The following GPC5 variants were observed in gnomAD, a reference collection of about 807,000 sequenced individuals.
The protein encoded by GPC5 is glypican-5.
GPC5 carries 47 observed loss-of-function variants against 53.9 expected under a neutral mutation model. The observed-to-expected ratio is 0.87, with a 90% CI of 0.69 to 1.11. GPC5 has a LOEUF of 1.11. Ranked by LOEUF, GPC5 falls within the 50% of genes most tolerant of loss-of-function variation. The probability of loss-of-function intolerance (pLI) is 0.00; values close to 1 mark genes in which losing one functional copy is unlikely to be tolerated. For synonymous variants in GPC5, 286 were observed against 263.3 expected (o/e 1.09, Z -0.84); for missense variants, 748 against 713.1 (o/e 1.05, Z -0.56).
At chr13:92,484,728 T>C (rs1269228970) in intron 7 of GPC5, 2 of 151,170 alleles carry the variant, frequency 1.3e-5, no homozygotes, top group Non-Finnish European at 2.9e-5. Flanking sequence ...ATAGAATTTT[T>C]ATTTTATTTT....
intron 7 of GPC5, among the ~76,000 whole-genome samples, chr13:92,834,823 A>G (rs944510407): frequency 6.6e-6 from 1 of 152,138 alleles, no homozygotes; most frequent in African/African-American, 2.4e-5. Flanking sequence ...TAAGGGCCAT[A>G]GTGTAAAGTT....
intron 7 of GPC5, among the ~76,000 whole-genome samples, chr13:92,325,505 G>A (rs1019573776): frequency 1.3e-5 from 2 of 152,048 alleles, no homozygotes; most frequent in African/African-American, 4.8e-5. Flanking sequence ...CTCTGTTGTT[G>A]TGATTCTTAA....
At chr13:92,158,110 T>C (rs1156452723) in intron 7 of GPC5, among the ~76,000 whole-genome samples, 2 of 152,130 alleles carry the variant, frequency 1.3e-5, no homozygotes, top group Admixed American at 6.5e-5. Flanking sequence ...GATAATCAGA[T>C]GGAGAGTGGA....
intron 7 of GPC5, among the ~76,000 whole-genome samples, chr13:92,501,652 C>T (rs889321354): frequency 4.0e-5 from 6 of 151,880 alleles, no homozygotes; most frequent in Non-Finnish European, 8.8e-5. Flanking sequence ...CAGCATAATC[C>T]AAGAAAACAA....
chr13:92,638,042 A>G (rs1885467580), intron 7 of GPC5, among the ~76,000 whole-genome samples: 1 of 152,184 alleles, frequency 6.6e-6, no homozygotes, highest in Non-Finnish European at 1.5e-5. Flanking sequence ...AACAATAGAA[A>G]GCAACTGAAA....
intron 7 of GPC5, among the ~76,000 whole-genome samples, chr13:92,741,496 T>C (rs1889092888): frequency 6.6e-6 from 1 of 152,134 alleles, no homozygotes; most frequent in South Asian, 2.1e-4. Flanking sequence ...TCTTTAGAAA[T>C]TATCCAGTTT....
chr13:92,219,415 T>C (rs1200014056), intron 7 of GPC5, among the ~76,000 whole-genome samples: 2 of 152,168 alleles, frequency 1.3e-5, no homozygotes, highest in African/African-American at 2.4e-5. Flanking sequence ...CACACCACTA[T>C]TGAGGCAGGA....
At chr13:91,989,496 T>C (rs1353936991) in intron 6 of GPC5, among the ~76,000 whole-genome samples, 1 of 152,204 alleles carries the variant, frequency 6.6e-6, no homozygotes, top group Non-Finnish European at 1.5e-5. Flanking sequence ...TATAACCACA[T>C]GCTAAAACAT....
intron 2 of GPC5, among the ~76,000 whole-genome samples, chr13:91,660,822 T>C (rs1032420418): frequency 6.6e-6 from 1 of 152,076 alleles, no homozygotes; most frequent in Non-Finnish European, 1.5e-5. Flanking sequence ...TTAAACCTTC[T>C]CCTCCTTCTC....
At chr13:92,221,524 C>T (rs1397851570) in intron 7 of GPC5, among the ~76,000 whole-genome samples, 1 of 152,106 alleles carries the variant, frequency 6.6e-6, no homozygotes, top group African/African-American at 2.4e-5. Flanking sequence ...TTTCCCAACA[C>T]CCTCTCCCAC....
In GPC5 at chr13:92,102,188, T is replaced by G. The variant is rs142691582; in HGVS notation, c.1402-42642T>G. On this transcript the variant is annotated intron_variant, in intron 6 of 7. Coordinates refer to ENST00000377067, the MANE Select transcript of GPC5 (RefSeq NM_004466.6). ...AAATTCTTTGGAACAGAGAGGGAGATACAATATAAGAGGGGTGGGGAATAA... is the reference window on the plus strand; with the variant it reads ...AAATTCTTTGGAACAGAGAGGGAGAGACAATATAAGAGGGGTGGGGAATAA... 2.4e-4 allele frequency among the ~76,000 whole-genome samples: 37 copies of G among 151,802 alleles called. No homozygotes were observed. In the East Asian group the frequency reaches 5.8e-3, roughly 24 times the overall value.
chr13:91,979,827 A>T (rs1308751311), intron 6 of GPC5, among the ~76,000 whole-genome samples: 1 of 152,184 alleles, frequency 6.6e-6, no homozygotes, highest in African/African-American at 2.4e-5. Flanking sequence ...CCCTTGGTTC[A>T]ACAGATTCTG....
intron 7 of GPC5, among the ~76,000 whole-genome samples, chr13:92,194,070 G>A (rs1593981889): frequency 6.6e-6 from 1 of 152,102 alleles, no homozygotes; most frequent in Admixed American, 6.5e-5. Context: ...AGGAAAGAAG[G>A]GAGGAAGAAT....
intron 6 of GPC5, among the ~76,000 whole-genome samples, chr13:92,103,895 C>A (rs913874745): frequency 1.3e-5 from 2 of 152,128 alleles, no homozygotes; most frequent in Non-Finnish European, 2.9e-5. Flanking sequence ...TTCCCAGGAA[C>A]GTAGTGGGGC....
intron 7 of GPC5, among the ~76,000 whole-genome samples, chr13:92,276,898 C>G (rs1415575107): frequency 2.0e-5 from 3 of 151,844 alleles, no homozygotes; most frequent in Non-Finnish European, 4.4e-5. Flanking sequence ...AATGATGATG[C>G]AAGTAGAATT....
intron 7 of GPC5, among the ~76,000 whole-genome samples, chr13:92,234,820 A>G (rs901272977): frequency 1.3e-5 from 2 of 152,124 alleles, no homozygotes; most frequent in Non-Finnish European, 2.9e-5. Context: ...AGCTCTTTCT[A>G]TATCCACTGT....
intron 2 of GPC5, among the ~76,000 whole-genome samples, chr13:91,552,097 T>C (rs1594242791): frequency 6.6e-6 from 1 of 152,222 alleles, no homozygotes; most frequent in East Asian, 1.9e-4. Context: ...ATAATCATTG[T>C]GAACATTATG....
Position 92,270,967 on chromosome 13 carries a change from C to T in GPC5, c.1561+125978C>T, listed in dbSNP as rs180763329. 1.4e-4 allele frequency among the ~76,000 whole-genome samples: 22 copies of T among 152,220 alleles called. No homozygotes were observed. The Middle Eastern group carries it at 0.014, about 94-fold the overall frequency. ...TTATGTGTGGTCTTTATGAACCATG[C>T]TCAAGCACACTACCTTTAGAAATAT... On this transcript the variant is annotated intron_variant, in intron 7 of 7. Coordinates refer to ENST00000377067, the MANE Select transcript of GPC5 (RefSeq NM_004466.6).
rs574200794 is a variant in GPC5 at position 92,396,586 on chromosome 13, G to A, written c.1561+251597G>A. 1.7e-3 allele frequency among the ~76,000 whole-genome samples: 260 copies of A among 151,958 alleles called. 2 individuals are homozygous for A. Among genetic ancestry groups the A allele is most frequent in the Non-Finnish European group, 3.1e-3 (209 of 67,974 alleles). ...GCAGGGCGTGCAGCCTTGTTACATA[G>A]GTAAACATGTTCCATGGTAGTTTGT... On this transcript the variant is annotated intron_variant, in intron 7 of 7. Coordinates refer to ENST00000377067, the MANE Select transcript of GPC5 (RefSeq NM_004466.6).
Sources: gnomAD v4.1 joint callset for allele counts (sites outside exome capture counted in the v4.1 genomes callset) on GRCh38, gnomAD v4.1.1 for gene constraint, MANE v1.5 for transcripts, NCBI Gene and HGNC (gene_info 2026-07-23, HGNC 2026-07-21) for gene names.